Variants in ZNF85 observed in about 807,000 individuals in gnomAD.
ZNF85 encodes zinc finger protein 85 (HPF4, HTF1).
In ZNF85, 50 loss-of-function variants were observed where a neutral mutation model predicts 53.9. That is an observed-to-expected ratio of 0.93 (90% confidence interval 0.74 to 1.17). The LOEUF (loss-of-function observed/expected upper bound fraction) is 1.17. ZNF85 is among the 50% of genes most tolerant of loss of function. ZNF85 has a pLI of 0.00. For synonymous variants in ZNF85, 225 were observed against 226.1 expected, an observed-to-expected ratio of 1.00 and a Z score of 0.04; for missense variants, 747 against 688.5, an observed-to-expected ratio of 1.08 and a Z score of -0.95.
intron 3 of ZNF85, chr19:20,943,062 C>G: frequency 2.3e-6 from 1 of 438,724 alleles, no homozygotes. Context: ...AGGTATGAGC[C>G]TGTTCACCCA....
intron 1 of ZNF85, among the ~76,000 whole-genome samples, chr19:20,926,196 A>G (rs1476503933): frequency 1.3e-5 from 2 of 152,218 alleles, no homozygotes; most frequent in Non-Finnish European, 2.9e-5. Flanking sequence ...TAGATTCATG[A>G]AAACACAAAT....
chr19:20,940,018 T>G (rs1488404115), intron 3 of ZNF85, among the ~76,000 whole-genome samples: 1 of 152,154 alleles, frequency 6.6e-6, no homozygotes, highest in Non-Finnish European at 1.5e-5. Flanking sequence ...TTTCAGTGGT[T>G]GTTTCATCTT....
At chr19:20,945,376 T>C (rs1351142595) in intron 3 of ZNF85, 1 of 152,228 alleles carries the variant, frequency 6.6e-6, no homozygotes, top group Non-Finnish European at 1.5e-5. Flanking sequence ...TCTCTGTCTT[T>C]CTGTGGCTGG....
intron 1 of ZNF85, among the ~76,000 whole-genome samples, chr19:20,931,106 A>G (rs989462791): frequency 2.0e-5 from 3 of 152,106 alleles, no homozygotes; most frequent in Admixed American, 1.3e-4. Context: ...TACCAGAAGT[A>G]TTTGGTTGTG....
intron 3 of ZNF85, among the ~76,000 whole-genome samples, chr19:20,946,104 G>C (rs1243550810): frequency 1.3e-5 from 2 of 150,252 alleles, no homozygotes; most frequent in African/African-American, 4.9e-5. Flanking sequence ...ATATACTTCT[G>C]AGGTTGCTGT....
rs182427192 is a variant in ZNF85, at chr19:20,923,435, G to T, written c.3+32G>T. 3.1e-5 allele frequency: 50 copies of T among 1,613,872 alleles called. No homozygotes were observed. In the African/African-American group the frequency reaches 5.9e-4, roughly 19 times the overall value. ...GTGCCAGGTCCGCCATCCCGAGGGG[G>T]AAAGGGGTTGGTTGAAACCGGTGGG... On this transcript the variant is annotated intron_variant, in intron 1 of 3. Transcript: ENST00000328178.
At chr19:20,942,949 G>T (rs1973333300) in intron 3 of ZNF85, 1 of 547,744 alleles carries the variant, frequency 1.8e-6, no homozygotes. Flanking sequence ...CTAATTTTTT[G>T]ATTATTTGTA....
At position 20,950,291 on chromosome 19, in the gene ZNF85, T is replaced by C; in HGVS notation, c.1777T>C (p.Leu593=). 6.6e-7 allele frequency: 1 copy of C among 1,523,168 alleles called. No homozygotes were observed. The highest frequency in any genetic ancestry group is 8.8e-7 in the Non-Finnish European group (1 of 1,139,360). The allele number at this position is 1,523,168 out of a possible 1,614,324, so 94.4% of individuals were successfully genotyped here. The part of the protein sequence containing the change: ...KHKIIHTGEK[L]QI The stretch of plus-strand genomic sequence containing the variant: ...TAAGATAATTCATACCGGAGAAAAA[T>C]TACAAATATGAAAATTATGGCAAAG... Residue 593 remains leucine, a synonymous_variant, in exon 4 of 4, where the codon TTA becomes CTA. Transcript: ENST00000328178.
At chr19:20,931,792 A>G (rs1381973036) in intron 1 of ZNF85, among the ~76,000 whole-genome samples, 2 of 151,854 alleles carry the variant, frequency 1.3e-5, no homozygotes, top group African/African-American at 4.8e-5. Flanking sequence ...TATTTTTAGT[A>G]GAGATGCTGT....
At chr19:20,947,834 ATTC>A (rs1973460271) in intron 3 of ZNF85, among the ~76,000 whole-genome samples, 1 of 151,204 alleles carries the variant, frequency 6.6e-6, no homozygotes, top group African/African-American at 2.4e-5. Context: ...TGTTATCCTC[ATTC>A]TTCTAATTTT....
In ZNF85 at chr19:20,950,465, A is replaced by T; in HGVS notation, c.*163A>T. ...GAGAAATTCTAAAAATGTGAAGACT[A>T]TGGCAAAGTCTTTAAATGGTTGTCA... is the stretch of plus-strand genomic sequence containing the variant. On this transcript the variant is annotated 3_prime_UTR_variant, in exon 4 of 4. Coordinates refer to ENST00000328178, the MANE Select transcript of ZNF85 (RefSeq NM_003429.5). 1.9e-6 allele frequency: 1 copy of T among 524,954 alleles called. No homozygotes were observed. The highest frequency in any genetic ancestry group is 3.2e-6 in the Non-Finnish European group (1 of 310,964). 32.5% of individuals were successfully genotyped at this position (524,954 alleles called of 1,614,324 possible). A position where few individuals can be genotyped will look rare whatever the true frequency, so the allele number is the denominator to read the frequency against.
chr19:20,931,623 T>TTTCTTTTTCTTTTC (rs1464068342), intron 1 of ZNF85, among the ~76,000 whole-genome samples: 88 of 113,590 alleles, frequency 7.7e-4, no homozygotes, highest in African/African-American at 2.8e-3. Context: ...TCTTTTTCTT[T>TTTCTTTTTCTTTTC]TTTTTTTTTT....
intron 1 of ZNF85, among the ~76,000 whole-genome samples, chr19:20,926,516 G>T (rs562531330): frequency 4.2e-4 from 64 of 151,782 alleles, no homozygotes; most frequent in Non-Finnish European, 8.2e-4. Context: ...AAAACCAAGG[G>T]AATAAATCTG....
At chr19:20,927,899 T>C (rs1972918148) in intron 1 of ZNF85, 1 of 152,166 alleles carries the variant, frequency 6.6e-6, no homozygotes, top group South Asian at 2.1e-4. Flanking sequence ...AAAAAGTGTT[T>C]CTTTTCATAA....
intron 3 of ZNF85, among the ~76,000 whole-genome samples, chr19:20,935,420 A>G (rs1973134056): frequency 6.6e-6 from 1 of 152,094 alleles, no homozygotes; most frequent in Non-Finnish European, 1.5e-5. Context: ...TTTTTGCATC[A>G]TGTTTGAAAT....
intron 3 of ZNF85, among the ~76,000 whole-genome samples, chr19:20,945,101 C>T (rs1023599402): frequency 1.7e-4 from 26 of 150,378 alleles, no homozygotes; most frequent in African/African-American, 4.6e-4. Flanking sequence ...TAAAAACTAT[C>T]ATTACTCTGT....
chr19:20,949,866 A>T lies in ZNF85; in HGVS notation c.1352A>T (p.Glu451Val). The T allele has an allele frequency of 6.2e-7, 1 of 1,612,874 alleles. No homozygotes were observed. The highest frequency in any genetic ancestry group is 1.7e-5 in the Admixed American group (1 of 59,898). ...LTEHKKIHTG[E>V]KPYECEKCGK... ...GAACATAAGAAAATTCATACTGGAG[A>T]GAAACCCTATGAATGTGAAAAATGT... is the stretch of plus-strand genomic sequence containing the variant. The change falls in exon 4 of 4, where the codon GAG becomes GTG. Residue 451 changes from glutamate (E) to valine (V), a missense_variant. By Grantham distance (121) the Glu-to-Val change is moderately radical. Coordinates refer to ENST00000328178, the MANE Select transcript of ZNF85 (RefSeq NM_003429.5).
intron 1 of ZNF85, among the ~76,000 whole-genome samples, chr19:20,924,406 A>T (rs989667349): frequency 3.3e-5 from 5 of 152,178 alleles, no homozygotes; most frequent in Non-Finnish European, 5.9e-5. Context: ...ATGAAATTTT[A>T]GTTAGATTTT....
intron 1 of ZNF85, among the ~76,000 whole-genome samples, chr19:20,930,976 T>C (rs1973003893): frequency 6.6e-6 from 1 of 152,184 alleles, no homozygotes; most frequent in South Asian, 2.1e-4. Flanking sequence ...CGTTTCTCCA[T>C]GTTGGTCAGG....
Sources: allele counts gnomAD v4.1 joint callset (sites outside exome capture counted in the v4.1 genomes callset), GRCh38; gene constraint gnomAD v4.1.1; transcripts MANE v1.5; gene names NCBI Gene and HGNC (gene_info 2026-07-23, HGNC 2026-07-21).